Variants in APOL2 observed in about 807,000 individuals in gnomAD.
APOL2 encodes apolipoprotein L2, also known as apolipoprotein L, 2.
In APOL2, 8 loss-of-function variants were observed where a neutral mutation model predicts 7.1. The observed-to-expected ratio is 1.12, with a 90% CI of 0.66 to 2.03. The LOEUF (loss-of-function observed/expected upper bound fraction) is 2.03, where lower values mean the gene tolerates loss of function less well. APOL2 is among the 30% of genes most tolerant of loss of function. APOL2 has a pLI of 0.00. For synonymous variants in APOL2, 177 were observed against 159.9 expected (o/e 1.11, Z -0.81); for missense variants, 471 against 415.1 (o/e 1.13, Z -1.17).
intron 1 of APOL2, among the ~76,000 whole-genome samples, chr22:36,238,681 C>T (rs2015495361): frequency 6.6e-6 from 1 of 152,244 alleles, no homozygotes; most frequent in African/African-American, 2.4e-5. Flanking sequence ...AAGCTGGCAT[C>T]ATGCCACAGG....
chr22:36,239,223 T>C (rs1603481246), intron 1 of APOL2: 1 of 1,341,472 alleles, frequency 7.5e-7, no homozygotes, highest in Non-Finnish European at 9.6e-7. Flanking sequence ...TAAGCTGTTT[T>C]CCCCACCTCT....
At chr22:36,239,600 A>G (rs2015534552), upstream of APOL2, 1 of 1,215,234 alleles carries the variant, frequency 8.2e-7, no homozygotes. Context: ...ACAACTTCCC[A>G]GCAGCTCATG....
At position 36,228,067 on chromosome 22, in the gene APOL2, A is replaced by G. The variant is rs766523158; in HGVS notation, c.351T>C (p.Asn117=). The G allele has an allele frequency of 3.1e-6, 5 of 1,614,226 alleles. No homozygotes were observed. Among genetic ancestry groups the G allele is most frequent in the Non-Finnish European group, 4.2e-6 (5 of 1,180,016 alleles). ...TAGTGCCAACAGAGTTGGACACCAC[A>G]TTGGCAATGGTGGTGCCTCTGTGGA... ...EQVHRGTTIA[N]VVSNSVGTTS... Residue 117 remains asparagine, a synonymous_variant, in exon 5 of 5, where the codon AAT becomes AAC. Transcript: ENST00000358502.
intron 1 of APOL2, 96 bp downstream of exon 1, chr22:36,239,345 T>C: frequency 7.2e-7 from 1 of 1,394,854 alleles, no homozygotes; most frequent in Non-Finnish European, 9.6e-7. Context: ...CTACCTAACC[T>C]CTCTGAGCTT....
At chr22:36,238,183 G>C (rs192564508) in intron 1 of APOL2, among the ~76,000 whole-genome samples, 1 of 152,174 alleles carries the variant, frequency 6.6e-6, no homozygotes, top group Non-Finnish European at 1.5e-5. Flanking sequence ...GATGCCCTCC[G>C]CCCTCCCTGG....
At chr22:36,238,378 G>A (rs907847371) in intron 1 of APOL2, among the ~76,000 whole-genome samples, 1 of 152,136 alleles carries the variant, frequency 6.6e-6, no homozygotes, top group African/African-American at 2.4e-5. Flanking sequence ...ATATTTCACA[G>A]AAATTACCCC....
intron 4 of APOL2, 48 bp from the exon 5 acceptor site, chr22:36,228,328 G>A: frequency 3.2e-6 from 5 of 1,560,098 alleles, no homozygotes; most frequent in Non-Finnish European, 4.3e-6. Context: ...TTCCCTATCT[G>A]TGAAATGAGC....
At chr22:36,235,959 C>G (rs2015390739) in intron 1 of APOL2, among the ~76,000 whole-genome samples, 1 of 151,856 alleles carries the variant, frequency 6.6e-6, no homozygotes, top group Non-Finnish European at 1.5e-5. Flanking sequence ...GGGAATGGTT[C>G]TGTGGGAAAA....
At chr22:36,228,823 T>A (rs749099507) in intron 4 of APOL2, among the ~76,000 whole-genome samples, 1 of 151,962 alleles carries the variant, frequency 6.6e-6, no homozygotes, top group African/African-American at 2.4e-5. Context: ...GATGATAGGG[T>A]TTGGGGCTAT....
rs552138524 is a variant in APOL2, at chr22:36,237,789, G to A, written c.-134+1652C>T. ...GGCACACAGGCCCTCTGATGCTCTGGACCCCACCTTCCTCACCGCTCCCTG... is the reference window on the plus strand; with the variant it reads ...GGCACACAGGCCCTCTGATGCTCTGAACCCCACCTTCCTCACCGCTCCCTG... On this transcript the variant is annotated intron_variant, in intron 1 of 4. Transcript: ENST00000358502. Among the ~76,000 whole-genome samples the A allele has an allele frequency of 4.6e-5, 7 of 152,154 alleles. 1 individual carries two copies. In the East Asian group the frequency reaches 9.7e-4, roughly 21 times the overall value.
chr22:36,236,409 C>T (rs1176330630), intron 1 of APOL2, among the ~76,000 whole-genome samples: 1 of 152,016 alleles, frequency 6.6e-6, no homozygotes, highest in Non-Finnish European at 1.5e-5. Flanking sequence ...TTTACAGCTA[C>T]AAAGTTGCTA....
intron 4 of APOL2, among the ~76,000 whole-genome samples, chr22:36,229,229 G>A (rs1246491348): frequency 6.6e-6 from 1 of 152,180 alleles, no homozygotes; most frequent in Non-Finnish European, 1.5e-5. Context: ...AATCCTGTTA[G>A]GCCAGTTTAG....
At chr22:36,238,942 A>G (rs922988484) in intron 1 of APOL2, among the ~76,000 whole-genome samples, 1 of 152,224 alleles carries the variant, frequency 6.6e-6, no homozygotes, top group Non-Finnish European at 1.5e-5. Context: ...ACTCAGGGTG[A>G]GTGAGACAAC....
In APOL2 at chr22:36,226,876, G is replaced by C. The variant is rs1043440624; in HGVS notation, c.*528C>G. 1 of 160,534 alleles carries C rather than the reference G, an allele frequency of 6.2e-6. No homozygotes were observed. The allele number at this position is 160,534 out of a possible 1,614,324, so 9.9% of individuals were successfully genotyped here. A position where few individuals can be genotyped will look rare whatever the true frequency, so the allele number is the denominator to read the frequency against. On this transcript the variant is annotated 3_prime_UTR_variant, in exon 5 of 5. Coordinates refer to ENST00000358502, the MANE Select transcript of APOL2 (RefSeq NM_030882.4). ...CTCCAGTCCTCTCTCCTCCCTTATTGCAGGCTCCAGTGTTCCTGCCTTCTC... is the reference window on the plus strand; with the variant it reads ...CTCCAGTCCTCTCTCCTCCCTTATTCCAGGCTCCAGTGTTCCTGCCTTCTC...
In APOL2 at chr22:36,227,789, A is replaced by G; in HGVS notation, c.629T>C (p.Val210Ala). 1.9e-6 allele frequency: 3 copies of G among 1,614,254 alleles called. No homozygotes were observed. The highest frequency in any genetic ancestry group is 1.6e-4 in the Middle Eastern group (1 of 6,062). Residue 210 changes from valine (V) to alanine (A), a missense_variant, in exon 5 of 5, where the codon GTT becomes GCT. Val to Ala is a moderately conservative substitution (Grantham distance 64). Transcript: ENST00000358502. ...GGNTPNVLTL[V>A]DNWYQVTQGI... ...TTGTGTGACTTGGTACCAATTGTCA[A>G]CTAAGGTAAGAACATTGGGTGTGTT... is the stretch of plus-strand genomic sequence containing the variant.
At position 36,238,049 on chromosome 22, in the gene APOL2, A is replaced by G. The variant is rs565964095; in HGVS notation, c.-134+1392T>C. On this transcript the variant is annotated intron_variant, in intron 1 of 4. Coordinates refer to ENST00000358502, the MANE Select transcript of APOL2 (RefSeq NM_030882.4). ...CCAACCCTCCCCAGGCTCCCTGAGCACTCTGCTTTCCAGAGGGAGCTCTAC... is the reference window on the plus strand; with the variant it reads ...CCAACCCTCCCCAGGCTCCCTGAGCGCTCTGCTTTCCAGAGGGAGCTCTAC... Among the ~76,000 whole-genome samples the G allele has an allele frequency of 3.9e-5, 6 of 152,112 alleles. No homozygotes were observed. In the East Asian group the frequency reaches 1.2e-3, roughly 29 times the overall value.
chr22:36,234,630 G>A (rs1352064483), intron 1 of APOL2, among the ~76,000 whole-genome samples: 2 of 152,208 alleles, frequency 1.3e-5, no homozygotes. Context: ...AGACAGAAGA[G>A]CATTTATCAA....
rs572900798 is a variant in APOL2 at position 36,227,355 on chromosome 22, C to G, written c.*49G>C. 7.2e-5 allele frequency: 102 copies of G among 1,411,062 alleles called. 1 individual carries two copies. The South Asian group carries it at 1.3e-3, about 19-fold the overall frequency. The allele number at this position is 1,411,062 out of a possible 1,614,324, so 87.4% of individuals were successfully genotyped here. On this transcript the variant is annotated 3_prime_UTR_variant, in exon 5 of 5. Coordinates refer to ENST00000358502, the MANE Select transcript of APOL2 (RefSeq NM_030882.4). ...AAAAAAAAAAAAGTCTGCATTTTGT[C>G]CTGGCCTGTGCCCGGCATTTCTGCC...
chr22:36,235,084 A>G (rs1183921065), intron 1 of APOL2, among the ~76,000 whole-genome samples: 1 of 152,226 alleles, frequency 6.6e-6, no homozygotes, highest in Admixed American at 6.5e-5. Flanking sequence ...CAATGCCAAG[A>G]GGGCATCCAG....
Sources: allele counts gnomAD v4.1 joint callset (sites outside exome capture counted in the v4.1 genomes callset), GRCh38; gene constraint gnomAD v4.1.1; transcripts MANE v1.5; gene names NCBI Gene and HGNC (gene_info 2026-07-23, HGNC 2026-07-21).